The following LAMC3 variants were observed in gnomAD, a reference collection of about 807,000 sequenced individuals.
LAMC3 encodes laminin subunit gamma-3.
Under a neutral mutation model 173.8 loss-of-function variants are expected in LAMC3, and 128 were observed. That is an observed-to-expected ratio of 0.74 (90% CI 0.64 to 0.85). The LOEUF (loss-of-function observed/expected upper bound fraction) is 0.85, where lower values mean the gene tolerates loss of function less well. Ranked by LOEUF, LAMC3 falls within the 40% of genes least tolerant of loss-of-function variation. LAMC3 has a pLI of 0.00. For missense variants in LAMC3, 2,022 were observed against 2,156.0 expected (o/e 0.94, Z 1.23); for synonymous variants, 897 against 909.1 (o/e 0.99, Z 0.24).
At chr9:131,074,113 AT>A (rs1830083447) in intron 20 of LAMC3, among the ~76,000 whole-genome samples, 1 of 150,836 alleles carries the variant, frequency 6.6e-6, no homozygotes, top group African/African-American at 2.4e-5. Flanking sequence ...TGCCCAGCTA[AT>A]TTTTTTGTAT....
intron 27 of LAMC3, 57 bp from the exon 28 acceptor site, chr9:131,091,480 G>A: frequency 1.3e-6 from 2 of 1,551,126 alleles, no homozygotes; most frequent in South Asian, 1.2e-5. Context: ...GCTGGGAGGT[G>A]CCCTGGGGCC....
intron 17 of LAMC3, among the ~76,000 whole-genome samples, chr9:131,070,327 T>G (rs1307072573): frequency 1.3e-5 from 2 of 152,200 alleles, no homozygotes; most frequent in Admixed American, 1.3e-4. Flanking sequence ...TCTTTCGTAC[T>G]CCAGACTGGA....
intron 3 of LAMC3, among the ~76,000 whole-genome samples, chr9:131,033,251 G>A (rs576029951): frequency 1.3e-5 from 2 of 152,362 alleles, no homozygotes; most frequent in East Asian, 1.9e-4. Flanking sequence ...CAGCTTCCAC[G>A]TCAGTGTTTC....
At chr9:131,073,348 C>T (rs1830069415) in intron 20 of LAMC3, 27 bp downstream of exon 20, 1 of 1,569,646 alleles carries the variant, frequency 6.4e-7, no homozygotes, top group Non-Finnish European at 8.8e-7. Context: ...GGTGAGCTTA[C>T]ACCTGGCCCT....
intron 27 of LAMC3, among the ~76,000 whole-genome samples, chr9:131,089,812 CGTT>C (rs1193347654): frequency 6.6e-6 from 1 of 152,176 alleles, no homozygotes; most frequent in Non-Finnish European, 1.5e-5. Context: ...ATGCTCTACA[CGTT>C]GTCTGGACAC....
At chr9:131,036,140 C>T in intron 3 of LAMC3, 26 bp from the exon 4 acceptor site, 1 of 1,612,716 alleles carries the variant, frequency 6.2e-7, no homozygotes, top group Non-Finnish European at 8.5e-7. Context: ...CTGCGGGTCC[C>T]CTTCCTCCTC....
At chr9:131,077,993 C>CCTCA (rs1268923134) in intron 22 of LAMC3, among the ~76,000 whole-genome samples, 1 of 152,152 alleles carries the variant, frequency 6.6e-6, no homozygotes, top group African/African-American at 2.4e-5. Context: ...CCTTCCTGAG[C>CCTCA]CTCAGTCTGT....
chr9:131,076,028 A>G, intron 21 of LAMC3, 63 bp downstream of exon 21: 1 of 1,489,630 alleles, frequency 6.7e-7, no homozygotes, highest in South Asian at 1.3e-5. Context: ...AACAGGGCCT[A>G]GCCAAAGGCT....
chr9:131,035,468 A>G (rs1156814401), intron 3 of LAMC3, among the ~76,000 whole-genome samples: 1 of 152,064 alleles, frequency 6.6e-6, no homozygotes, highest in East Asian at 1.9e-4. Flanking sequence ...CTTCTAAACA[A>G]CCAGATCTCA....
At chr9:131,041,826 A>G in intron 7 of LAMC3, 91 bp downstream of exon 7, 1 of 1,094,956 alleles carries the variant, frequency 9.1e-7, no homozygotes, top group East Asian at 2.5e-5. Context: ...GGGAGGAGCA[A>G]GGGGCACGGT....
chr9:131,073,855 T>C (rs1830078083), intron 20 of LAMC3, among the ~76,000 whole-genome samples: 1 of 152,158 alleles, frequency 6.6e-6, no homozygotes, highest in African/African-American at 2.4e-5. Context: ...ATGCCTATTC[T>C]GGGTGTTTCA....
intron 25 of LAMC3, among the ~76,000 whole-genome samples, chr9:131,086,165 G>A (rs927595565): frequency 3.3e-5 from 5 of 151,178 alleles, no homozygotes; most frequent in South Asian, 2.1e-4. Flanking sequence ...TGCAATCTCC[G>A]CCTCCTGGGT....
chr9:131,010,765 T>A (rs1034625726), intron 1 of LAMC3, among the ~76,000 whole-genome samples: 5 of 152,254 alleles, frequency 3.3e-5, no homozygotes, highest in African/African-American at 1.2e-4. Flanking sequence ...TGCTCATGAC[T>A]TGCCGAGGTG....
intron 6 of LAMC3, among the ~76,000 whole-genome samples, chr9:131,040,873 G>A (rs376470564): frequency 1.2e-4 from 19 of 152,284 alleles, no homozygotes; most frequent in East Asian, 9.7e-4. Context: ...CACGTATCGC[G>A]GTACAGGGTC....
At chr9:131,033,003 A>G (rs757613234) in intron 3 of LAMC3, among the ~76,000 whole-genome samples, 15 of 152,174 alleles carry the variant, frequency 9.9e-5, no homozygotes, top group Admixed American at 5.2e-4. Flanking sequence ...GCCTAGAGAA[A>G]GGCGCTTCTC....
In LAMC3 at chr9:131,009,344, T is replaced by A. The variant is rs1833360904; in HGVS notation, c.130T>A (p.Phe44Ile). ...RCLPVFENAA[F>I]GRLAQASHTC... is the part of the protein sequence containing the mutation. Reference sequence around the variant, plus strand: ...CCTGCCGGTGTTCGAGAACGCGGCGTTTGGGCGGCTCGCCCAGGCCTCGCA... The same window carrying A: ...CCTGCCGGTGTTCGAGAACGCGGCGATTGGGCGGCTCGCCCAGGCCTCGCA... Residue 44 changes from phenylalanine to isoleucine, a missense_variant, in exon 1 of 28, where the codon TTT becomes ATT. Transcript: ENST00000361069. The surrounding 1 kb of genome is among the most constrained non-coding windows in gnomAD (Gnocchi z 4.3). The A allele has an allele frequency of 6.7e-7, 1 of 1,496,834 alleles. No individual in the cohort carries two copies. Among genetic ancestry groups the A allele is most frequent in the South Asian group, 1.3e-5 (1 of 79,624 alleles). The allele number at this position is 1,496,834 out of a possible 1,614,324, so 92.7% of individuals were successfully genotyped here.
chr9:131,012,695 G>A (rs1833443317), intron 1 of LAMC3, among the ~76,000 whole-genome samples: 1 of 152,224 alleles, frequency 6.6e-6, no homozygotes, highest in Non-Finnish European at 1.5e-5. Context: ...CCCCTGTGGA[G>A]GCCGTCTGAT....
chr9:131,015,504 A>T (rs1410178523), intron 1 of LAMC3, among the ~76,000 whole-genome samples: 2 of 151,988 alleles, frequency 1.3e-5, no homozygotes, highest in Non-Finnish European at 2.9e-5. Context: ...CCAGGACTCC[A>T]CCTGCACCCC....
intron 25 of LAMC3, 192 bp downstream of exon 25, chr9:131,085,915 C>G (rs1402080663): frequency 3.0e-6 from 2 of 670,388 alleles, no homozygotes; most frequent in Non-Finnish European, 5.5e-6. Context: ...ATTGCTGTCC[C>G]CATTGTACAG....
Sources: gnomAD v4.1 joint callset for allele counts (sites outside exome capture counted in the v4.1 genomes callset) on GRCh38, gnomAD v4.1.1 for gene constraint, Gnocchi (gnomAD v3.1) non-coding constraint, MANE v1.5 for transcripts, NCBI Gene and HGNC (gene_info 2026-07-23, HGNC 2026-07-21) for gene names.